The following PEPD variants were observed in gnomAD, a reference collection of about 807,000 sequenced individuals.
PEPD encodes the protein peptidase D.
A neutral mutation model predicts 60.7 loss-of-function variants in PEPD; 53 were observed. The ratio of observed to expected loss-of-function variants is 0.87; its 90% CI spans 0.70 to 1.10. The LOEUF (loss-of-function observed/expected upper bound fraction) is 1.10, where lower values mean the gene tolerates loss of function less well. Ranked by LOEUF, PEPD falls within the 50% of genes least tolerant of loss-of-function variation. PEPD has a pLI of 0.00. For missense variants in PEPD, 711 were observed against 711.9 expected, an observed-to-expected ratio of 1.00 and a Z score of 0.01; for synonymous variants, 267 against 284.1, an observed-to-expected ratio of 0.94 and a Z score of 0.60.
At chr19:33,478,386 C>T (rs909252738) in intron 6 of PEPD, among the ~76,000 whole-genome samples, 2 of 152,132 alleles carry the variant, frequency 1.3e-5, no homozygotes, top group African/African-American at 2.4e-5. Flanking sequence ...TCAAAATACA[C>T]ACAATAGGAG....
chr19:33,396,668 G>A (rs1018281247), intron 12 of PEPD, among the ~76,000 whole-genome samples: 2 of 134,356 alleles, frequency 1.5e-5, no homozygotes, highest in Non-Finnish European at 3.1e-5. Context: ...TCCTGGGTGA[G>A]CACAGGAAAG....
intron 13 of PEPD, among the ~76,000 whole-genome samples, chr19:33,390,141 AT>A (rs934166007): frequency 1.3e-5 from 2 of 152,244 alleles, no homozygotes; most frequent in Non-Finnish European, 2.9e-5. Flanking sequence ...GAAAAGCCAT[AT>A]TTTTTCCACA....
chr19:33,475,856 G>A (rs1970204814), intron 7 of PEPD, among the ~76,000 whole-genome samples: 1 of 152,038 alleles, frequency 6.6e-6, no homozygotes, highest in South Asian at 2.1e-4. Context: ...GACAAGTCAG[G>A]CATTTGTTAC....
chr19:33,479,847 T>G (rs549038445), intron 6 of PEPD, among the ~76,000 whole-genome samples: 2 of 152,362 alleles, frequency 1.3e-5, no homozygotes, highest in East Asian at 3.9e-4. Context: ...GTTGATTCCA[T>G]GTGTTTGCTA....
chr19:33,516,569 A>G (rs79319553), intron 1 of PEPD, among the ~76,000 whole-genome samples: 14,736 of 151,874 alleles, frequency 0.097, 744 homozygotes, highest in East Asian at 0.15. Context: ...TGCCCCCACA[A>G]GCCGTCTCTG....
intron 12 of PEPD, among the ~76,000 whole-genome samples, chr19:33,398,626 G>A (rs184992120): frequency 4.6e-5 from 7 of 152,254 alleles, no homozygotes; most frequent in Admixed American, 6.5e-5. Context: ...TCATTCATTC[G>A]AGTGACTAGT....
At chr19:33,489,200 G>A (rs1970451840) in intron 6 of PEPD, among the ~76,000 whole-genome samples, 1 of 152,216 alleles carries the variant, frequency 6.6e-6, no homozygotes, top group Non-Finnish European at 1.5e-5. Context: ...TTCCCAAGCA[G>A]GGTTTGGAGG....
At chr19:33,479,702 GAGGATAAC>G (rs1278746071) in intron 6 of PEPD, among the ~76,000 whole-genome samples, 1 of 152,166 alleles carries the variant, frequency 6.6e-6, no homozygotes, top group Non-Finnish European at 1.5e-5. Context: ...TTAGTTTGCT[GAGGATAAC>G]AGCCTCCAGC....
chr19:33,397,105 CCCTGCCACCCG>C (rs1219353650), intron 12 of PEPD, among the ~76,000 whole-genome samples: 1 of 152,176 alleles, frequency 6.6e-6, no homozygotes, highest in African/African-American at 2.4e-5. Flanking sequence ...GCTGGGCCTG[CCCTGCCACCCG>C]CCTGTGGACT....
chr19:33,506,024 C>T (rs1388100596), intron 3 of PEPD, among the ~76,000 whole-genome samples: 1 of 146,802 alleles, frequency 6.8e-6, no homozygotes, highest in Non-Finnish European at 1.5e-5. Flanking sequence ...ATACCCTACA[C>T]ACTACACACA....
intron 3 of PEPD, among the ~76,000 whole-genome samples, chr19:33,508,405 T>C (rs2145349005): frequency 6.6e-6 from 1 of 152,180 alleles, no homozygotes; most frequent in East Asian, 1.9e-4. Flanking sequence ...AAACTCTTCG[T>C]CACTGCTGTC....
At chr19:33,443,176 G>A (rs987635321) in intron 9 of PEPD, among the ~76,000 whole-genome samples, 3 of 152,234 alleles carry the variant, frequency 2.0e-5, no homozygotes, top group Non-Finnish European at 4.4e-5. Flanking sequence ...ATCACACAGC[G>A]TGTGGCTCTC....
chr19:33,498,312 T>C (rs1241652286), intron 4 of PEPD, among the ~76,000 whole-genome samples: 4 of 152,138 alleles, frequency 2.6e-5, no homozygotes, highest in Admixed American at 2.6e-4. Context: ...GACAATCTGC[T>C]TTGTATACGA....
intron 9 of PEPD, among the ~76,000 whole-genome samples, chr19:33,446,415 C>T (rs901536310): frequency 5.3e-5 from 8 of 152,224 alleles, no homozygotes; most frequent in Admixed American, 2.0e-4. Context: ...CCTCACCGGA[C>T]GGGTCATCCT....
chr19:33,482,843 G>T (rs1165252924), intron 6 of PEPD, among the ~76,000 whole-genome samples: 1 of 151,762 alleles, frequency 6.6e-6, no homozygotes, highest in Non-Finnish European at 1.5e-5. Flanking sequence ...AAACAAAGTA[G>T]TAGTGACAGA....
At chr19:33,499,007 C>A (rs1225777821) in intron 4 of PEPD, among the ~76,000 whole-genome samples, 2 of 152,148 alleles carry the variant, frequency 1.3e-5, no homozygotes, top group Non-Finnish European at 2.9e-5. Flanking sequence ...GTTTCTGGGG[C>A]AGGGAACACA....
At chr19:33,400,115 G>T (rs1968454914) in intron 12 of PEPD, among the ~76,000 whole-genome samples, 2 of 152,196 alleles carry the variant, frequency 1.3e-5, no homozygotes, top group South Asian at 4.1e-4. Context: ...CTACACAGGG[G>T]GCTGCCTTGG....
At chr19:33,483,759 A>T (rs1600151869) in intron 6 of PEPD, among the ~76,000 whole-genome samples, 1 of 152,250 alleles carries the variant, frequency 6.6e-6, no homozygotes, top group Non-Finnish European at 1.5e-5. Context: ...ATAGTGATTC[A>T]TGATTGCACC....
intron 9 of PEPD, among the ~76,000 whole-genome samples, chr19:33,442,992 A>G (rs1969513785): frequency 6.6e-6 from 1 of 152,186 alleles, no homozygotes; most frequent in Non-Finnish European, 1.5e-5. Flanking sequence ...GGCACACAGT[A>G]GGTGCATCAT....
Sources: gnomAD v4.1 joint callset for allele counts (sites outside exome capture counted in the v4.1 genomes callset) on GRCh38, gnomAD v4.1.1 for gene constraint, MANE v1.5 for transcripts, NCBI Gene and HGNC (gene_info 2026-07-23, HGNC 2026-07-21) for gene names.